GON4L: variants seen among roughly 807,000 people sequenced by gnomAD.
GON4L encodes gon-4 like, also known as GON-4-like protein.
A neutral mutation model predicts 211.8 loss-of-function variants in GON4L; 87 were observed. The ratio of observed to expected loss-of-function variants is 0.41; its 90% CI spans 0.35 to 0.49. GON4L has a LOEUF of 0.49. Ranked by LOEUF, GON4L falls within the 20% of genes least tolerant of loss-of-function variation. The probability of loss-of-function intolerance (pLI) is 0.15; values close to 1 mark genes in which losing one functional copy is unlikely to be tolerated. For missense variants in GON4L, 2,155 were observed against 2,659.5 expected (o/e 0.81, Z 4.17); for synonymous variants, 875 against 962.6 (o/e 0.91, Z 1.68).
chr1:155,775,932 G>T (rs756828658), intron 16 of GON4L, among the ~76,000 whole-genome samples: 1 of 152,042 alleles, frequency 6.6e-6, no homozygotes, highest in East Asian at 1.9e-4. Context: ...CTACAGGTAC[G>T]CACCACCACA....
In GON4L at chr1:155,764,999, C is replaced by T; in HGVS notation, c.4473+1G>A. On this transcript the variant is annotated splice_donor_variant, in intron 21 of 31. Coordinates refer to ENST00000368331, the MANE Select transcript of GON4L (RefSeq NM_001282860.2). LOFTEE classifies it high-confidence loss of function. ...ACTTGAGAATATTCTCCAGCTCTCA[C>T]CTGGAGTTCTGGGACAGAAAGCACA... The T allele has an allele frequency of 1.2e-6, 2 of 1,612,886 alleles. No homozygotes were observed. The highest frequency in any genetic ancestry group is 1.7e-6 in the Non-Finnish European group (2 of 1,178,872).
chr1:155,763,742 C>T (rs1049375754), intron 21 of GON4L, among the ~76,000 whole-genome samples, 178 bp from the exon 22 acceptor site: 1 of 152,140 alleles, frequency 6.6e-6, no homozygotes, highest in African/African-American at 2.4e-5. Context: ...GTGGCTCACG[C>T]CTGTAATCCT....
At chr1:155,797,674 C>G (rs1301851005) in intron 11 of GON4L, among the ~76,000 whole-genome samples, 1 of 149,512 alleles carries the variant, frequency 6.7e-6, no homozygotes, top group Non-Finnish European at 1.5e-5. Context: ...TGAGACCCCC[C>G]CCCTCCCGTC....
At chr1:155,776,194 A>G (rs962006728) in intron 16 of GON4L, among the ~76,000 whole-genome samples, 1 of 152,230 alleles carries the variant, frequency 6.6e-6, no homozygotes, top group Non-Finnish European at 1.5e-5. Flanking sequence ...AAAATTGAAT[A>G]CACTCCTTGT....
intron 12 of GON4L, among the ~76,000 whole-genome samples, chr1:155,790,790 A>G (rs974690018): frequency 1.3e-5 from 2 of 151,750 alleles, no homozygotes; most frequent in African/African-American, 4.8e-5. Context: ...CTAAAAATAC[A>G]AAAATTAGCT....
chr1:155,825,902 G>T (rs1669164244), intron 3 of GON4L, among the ~76,000 whole-genome samples: 1 of 152,042 alleles, frequency 6.6e-6, no homozygotes, highest in Non-Finnish European at 1.5e-5. Flanking sequence ...AATTAGCTGG[G>T]CATGATGGCA....
chr1:155,777,765 G>C lies in GON4L; in HGVS notation c.1948C>G (p.Leu650Val). The change falls in exon 15 of 32, where the codon CTA (leucine) becomes GTA (valine). Residue 650 changes from leucine to valine, a missense_variant. Coordinates refer to ENST00000368331, the MANE Select transcript of GON4L (RefSeq NM_001282860.2). ...TTCTTCATCTTCAGCTGTTCAAATA[G>C]CTCCTTCACTGTCCGATGTTGTTCA... ...LNEQHRTVKE[L>V]FEQLKMKKSS... 1 of 1,613,442 alleles carries C rather than the reference G, an allele frequency of 6.2e-7. No homozygotes were observed. Among genetic ancestry groups the C allele is most frequent in the East Asian group, 2.2e-5 (1 of 44,868 alleles).
intron 2 of GON4L, among the ~76,000 whole-genome samples, chr1:155,850,976 C>T (rs1413567786): frequency 6.8e-6 from 1 of 147,496 alleles, no homozygotes; most frequent in Non-Finnish European, 1.5e-5. Context: ...ATTGCTTGAA[C>T]CTGGGAGGCG....
chr1:155,746,950 T>A, downstream of GON4L: 2 of 1,602,250 alleles, frequency 1.2e-6, no homozygotes, highest in Non-Finnish European at 1.7e-6. Flanking sequence ...ACGGGGATTT[T>A]AATCATTTTA....
chr1:155,811,754 CAAAAAAAAAA>C (rs145360103), intron 10 of GON4L, among the ~76,000 whole-genome samples: 2 of 33,048 alleles, frequency 6.1e-5, no homozygotes, highest in Admixed American at 6.2e-4. Context: ...GACTCTGTCT[CAAAAAAAAAA>C]AAAAAAAAAA....
intron 23 of GON4L, among the ~76,000 whole-genome samples, 161 bp from the exon 24 acceptor site, chr1:155,760,802 C>T (rs1268464593): frequency 6.6e-6 from 1 of 152,166 alleles, no homozygotes; most frequent in Non-Finnish European, 1.5e-5. Flanking sequence ...TAATGGAAGA[C>T]ACAGAGCAAT....
rs549674849 is a variant in GON4L at position 155,848,650 on chromosome 1, G to T, written c.505+4626C>A. On this transcript the variant is annotated intron_variant, in intron 2 of 31. Transcript: ENST00000368331. The stretch of plus-strand genomic sequence containing the variant: ...TTCCAAAAAGTATATATTTATGGTT[G>T]TTTTCCCAATTAAGATTCTAAACTT... Among the ~76,000 whole-genome samples, 4 of 152,218 alleles carry T rather than the reference G, an allele frequency of 2.6e-5. No homozygotes were observed. In the East Asian group the frequency reaches 7.7e-4, roughly 29 times the overall value.
At position 155,776,437 on chromosome 1, in the gene GON4L, G is replaced by C; in HGVS notation, c.2136C>G (p.Asn712Lys). 6.2e-7 allele frequency: 1 copy of C among 1,613,594 alleles called. No individual in the cohort carries two copies. Among genetic ancestry groups the C allele is most frequent in the Non-Finnish European group, 8.5e-7 (1 of 1,179,500 alleles). ...LTQIHLLATCNPNLNPEATTT... is the reference protein window; with the variant it reads ...LTQIHLLATCKPNLNPEATTT... Reference sequence around the variant, plus strand: ...TAGTGGCCTCCGGATTGAGGTTGGGGTTGCAGGTGGCAAGAAGGTGGATTT... The same window carrying C: ...TAGTGGCCTCCGGATTGAGGTTGGGCTTGCAGGTGGCAAGAAGGTGGATTT... Residue 712 changes from asparagine to lysine, a missense_variant, in exon 16 of 32, where the codon AAC (asparagine) becomes AAG (lysine). By Grantham distance (94) the Asn-to-Lys change is moderately conservative (BLOSUM62 0). This residue lies in a region of GON4L where 551 missense variants were observed against 854.0 expected (regional missense o/e 0.65). Coordinates refer to ENST00000368331, the MANE Select transcript of GON4L (RefSeq NM_001282860.2).
intron 2 of GON4L, among the ~76,000 whole-genome samples, chr1:155,838,644 G>A (rs1287616111): frequency 5.3e-5 from 8 of 151,898 alleles, no homozygotes; most frequent in Non-Finnish European, 1.0e-4. Context: ...GCGTGGTGGT[G>A]CATGCATCCC....
intron 2 of GON4L, among the ~76,000 whole-genome samples, chr1:155,830,371 G>A (rs978214646): frequency 4.0e-5 from 6 of 150,182 alleles, no homozygotes; most frequent in Non-Finnish European, 8.9e-5. Flanking sequence ...TCCGCCTCCC[G>A]GGTTCAAGAG....
intron 2 of GON4L, among the ~76,000 whole-genome samples, chr1:155,828,515 CA>C (rs765714298): frequency 1.3e-4 from 19 of 147,676 alleles, no homozygotes; most frequent in Non-Finnish European, 2.5e-4. Context: ...ACAAACAAAC[CA>C]AAAAAGAATG....
chr1:155,765,264 C>T lies in GON4L; in HGVS notation c.4209G>A (p.Gly1403=), dbSNP rs1230254737. ...TTGATGATCCTTTGTTCACATCTGT[C>T]CCTGAGGTTCCTTCATCAGGGGGCT... is the stretch of plus-strand genomic sequence containing the variant. ...SQEPPDEGTS[G]TDVNKGSSKN... is the part of the protein sequence containing the mutation. The change falls in exon 21 of 32, where the codon GGG becomes GGA. Residue 1403 remains glycine (G), a synonymous_variant. Coordinates refer to ENST00000368331, the MANE Select transcript of GON4L (RefSeq NM_001282860.2). 6.2e-7 allele frequency: 1 copy of T among 1,614,004 alleles called. No homozygotes were observed. The highest frequency in any genetic ancestry group is 8.5e-7 in the Non-Finnish European group (1 of 1,180,018).
At chr1:155,830,511 A>G (rs1669656657) in intron 2 of GON4L, among the ~76,000 whole-genome samples, 2 of 152,044 alleles carry the variant, frequency 1.3e-5, no homozygotes, top group South Asian at 2.1e-4. Context: ...TCCTGACCTC[A>G]GGTGATCCGC....
chr1:155,753,156 G>C (rs749114388), intron 29 of GON4L, 48 bp downstream of exon 29: 3 of 1,408,780 alleles, frequency 2.1e-6, no homozygotes, highest in African/African-American at 1.4e-5. Flanking sequence ...CTGGAGTACA[G>C]GATAACGAGA....
Sources: gnomAD v4.1 joint callset for allele counts (sites outside exome capture counted in the v4.1 genomes callset) on GRCh38, gnomAD v4.1.1 for gene constraint, gnomAD v4.1.1 regional missense constraint, MANE v1.5 for transcripts, NCBI Gene and HGNC (gene_info 2026-07-23, HGNC 2026-07-21) for gene names.